SEM1: variants seen among roughly 807,000 people sequenced by gnomAD.
The protein encoded by SEM1 is 26S proteasome complex subunit SEM1.
Under a neutral mutation model 12.7 loss-of-function variants are expected in SEM1, and 3 were observed. The observed-to-expected ratio is 0.24, with a 90% confidence interval of 0.11 to 0.61. The LOEUF (loss-of-function observed/expected upper bound fraction) is 0.61, where lower values mean the gene tolerates loss of function less well. SEM1 is among the 20% of genes least tolerant of loss of function. The pLI is 0.88. For missense variants in SEM1, 59 were observed against 81.3 expected (o/e 0.73, Z 1.06); for synonymous variants, 30 against 27.8 (o/e 1.08, Z -0.25).
intron 2 of SEM1, among the ~76,000 whole-genome samples, chr7:96,596,302 C>T (rs1038219146): frequency 1.3e-5 from 2 of 152,142 alleles, no homozygotes; most frequent in African/African-American, 4.8e-5. Flanking sequence ...TAATATATGG[C>T]CAGTAATTAC....
chr7:96,622,663 G>C (rs1292298853), intron 2 of SEM1: 1 of 763,592 alleles, frequency 1.3e-6, no homozygotes, highest in East Asian at 2.4e-5. Flanking sequence ...TTAGAAAGTA[G>C]GTGAAGGTTT....
intron 2 of SEM1, among the ~76,000 whole-genome samples, chr7:96,681,361 A>T (rs1317160253): frequency 6.6e-6 from 1 of 152,100 alleles, no homozygotes; most frequent in Non-Finnish European, 1.5e-5. Flanking sequence ...GAGACTGGCT[A>T]GGTAATAATT....
intron 2 of SEM1, among the ~76,000 whole-genome samples, chr7:96,662,901 T>G (rs1381773644): frequency 6.6e-6 from 1 of 152,182 alleles, no homozygotes; most frequent in Non-Finnish European, 1.5e-5. Context: ...CTGAACAAGA[T>G]GTAGAAAGTG....
At chr7:96,634,682 T>G (rs1482148404) in intron 2 of SEM1, among the ~76,000 whole-genome samples, 1 of 151,544 alleles carries the variant, frequency 6.6e-6, no homozygotes, top group Non-Finnish European at 1.5e-5. Context: ...ACATTTAATC[T>G]GATAAGTGAA....
At chr7:96,499,837 A>T (rs1245676021), upstream of SEM1, among the ~76,000 whole-genome samples, 1 of 152,182 alleles carries the variant, frequency 6.6e-6, no homozygotes, top group Non-Finnish European at 1.5e-5. Context: ...ATGGGCTAGA[A>T]AAACGTTTTT....
chr7:96,570,922 T>C (rs1431636636), intron 2 of SEM1, among the ~76,000 whole-genome samples: 1 of 151,982 alleles, frequency 6.6e-6, no homozygotes, highest in East Asian at 1.9e-4. Flanking sequence ...TATCTTACTG[T>C]GGTTTTGATT....
intron 2 of SEM1, among the ~76,000 whole-genome samples, chr7:96,627,589 T>C (rs538945085): frequency 1.3e-5 from 2 of 152,274 alleles, no homozygotes; most frequent in East Asian, 3.9e-4. Context: ...AAAATTTCTG[T>C]TGTTATTGAT....
At chr7:96,607,174 T>A (rs1450709727) in intron 2 of SEM1, among the ~76,000 whole-genome samples, 1 of 152,192 alleles carries the variant, frequency 6.6e-6, no homozygotes, top group Non-Finnish European at 1.5e-5. Flanking sequence ...AACAAACAGA[T>A]AAAATTCTCA....
intron 2 of SEM1, among the ~76,000 whole-genome samples, chr7:96,603,095 G>A (rs1456262853): frequency 1.3e-5 from 2 of 152,130 alleles, no homozygotes; most frequent in Non-Finnish European, 2.9e-5. Context: ...CACTTGGAAG[G>A]TAGCTCTATG....
At chr7:96,707,875 T>C (rs1237872658) in intron 1 of SEM1, among the ~76,000 whole-genome samples, 2 of 152,246 alleles carry the variant, frequency 1.3e-5, no homozygotes, top group Non-Finnish European at 1.5e-5. Flanking sequence ...TCATTCAACA[T>C]GCATTTATTG....
chr7:96,700,321 C>A (rs1391928389), intron 1 of SEM1, among the ~76,000 whole-genome samples: 1 of 152,162 alleles, frequency 6.6e-6, no homozygotes, highest in East Asian at 1.9e-4. Context: ...CCAGAGTACA[C>A]AACCAGACAA....
At chr7:96,679,287 C>T (rs928475651) in intron 2 of SEM1, among the ~76,000 whole-genome samples, 1 of 152,064 alleles carries the variant, frequency 6.6e-6, no homozygotes, top group Non-Finnish European at 1.5e-5. Flanking sequence ...CTGTCCATTC[C>T]ACTACTTTGA....
At chr7:96,635,051 G>A (rs1483058356) in intron 2 of SEM1, among the ~76,000 whole-genome samples, 6 of 152,108 alleles carry the variant, frequency 3.9e-5, no homozygotes, top group Non-Finnish European at 7.4e-5. Context: ...TGGGAAAGAT[G>A]AAAGTGACCA....
At chr7:96,488,944 G>T (rs1802884308) in intron 1 of SEM1, among the ~76,000 whole-genome samples, 1 of 152,052 alleles carries the variant, frequency 6.6e-6, no homozygotes, top group South Asian at 2.1e-4. Flanking sequence ...TATTCAGATT[G>T]CCCTCCTTCT....
chr7:96,672,907 G>A (rs1054024595), downstream of SEM1: 3 of 152,140 alleles, frequency 2.0e-5, no homozygotes, highest in Non-Finnish European at 4.4e-5. Flanking sequence ...TACCAGAGGT[G>A]TGACCTTAAG....
chr7:96,612,042 A>T (rs930031784), intron 2 of SEM1, among the ~76,000 whole-genome samples: 10 of 152,144 alleles, frequency 6.6e-5, no homozygotes, highest in African/African-American at 2.2e-4. Flanking sequence ...CTAATTTGCT[A>T]TGTATAATTG....
intron 2 of SEM1, among the ~76,000 whole-genome samples, chr7:96,582,095 A>G (rs1400106141): frequency 6.7e-6 from 1 of 148,496 alleles, no homozygotes; most frequent in African/African-American, 2.5e-5. Context: ...TCAGTATGAT[A>G]TTGGCTGTGG....
chr7:96,502,756 C>T (rs557019474), intron 3 of SEM1, among the ~76,000 whole-genome samples: 35 of 152,298 alleles, frequency 2.3e-4, no homozygotes, highest in African/African-American at 8.2e-4. Flanking sequence ...TGATACGCTG[C>T]AGTAATTCAT....
intron 2 of SEM1, among the ~76,000 whole-genome samples, chr7:96,581,370 G>A (rs1477260479): frequency 6.6e-6 from 1 of 152,080 alleles, no homozygotes; most frequent in Non-Finnish European, 1.5e-5. Flanking sequence ...TTTGGTGACT[G>A]TAGCCTTGTA....
Sources: allele counts gnomAD v4.1 joint callset (sites outside exome capture counted in the v4.1 genomes callset), GRCh38; gene constraint gnomAD v4.1.1; transcripts MANE v1.5; gene names NCBI Gene and HGNC (gene_info 2026-07-23, HGNC 2026-07-21).